The following CAMK1D variants were observed in gnomAD, a reference collection of about 807,000 sequenced individuals.
The protein encoded by CAMK1D is calcium/calmodulin-dependent protein kinase type 1D.
Under a neutral mutation model 47.7 loss-of-function variants are expected in CAMK1D, and 9 were observed. The ratio of observed to expected loss-of-function variants is 0.19; its 90% confidence interval spans 0.11 to 0.33. The LOEUF is 0.33. CAMK1D is among the 10% of genes least tolerant of loss of function. The pLI, the probability that CAMK1D is intolerant of heterozygous loss-of-function variation, is 1.00. For synonymous variants in CAMK1D, 184 were observed against 184.9 expected (o/e 0.99, Z 0.04); for missense variants, 291 against 488.7 (o/e 0.60, Z 3.81).
chr10:12,633,521 C>T (rs910336094), intron 2 of CAMK1D, among the ~76,000 whole-genome samples: 2 of 152,162 alleles, frequency 1.3e-5, no homozygotes, highest in African/African-American at 4.8e-5. Flanking sequence ...GCTGTAGATA[C>T]TCGGTTCCGA....
Position 12,378,768 on chromosome 10 carries a change from G to A in CAMK1D, c.92+28858G>A, listed in dbSNP as rs2724780. On this transcript the variant is annotated intron_variant, in intron 1 of 10. Transcript: ENST00000619168. ...CACTTGCAAGGTTTTTTTCTCATGA[G>A]ATCTCTATCCAAGTGTGAGCATGCA... Among the ~76,000 whole-genome samples, 698 of 151,350 alleles carry A rather than the reference G, an allele frequency of 4.6e-3. 4 individuals are homozygous for A. Among genetic ancestry groups the A allele is most frequent in the African/African-American group, 0.016 (650 of 41,266 alleles).
At chr10:12,546,364 A>G (rs1588618428) in intron 1 of CAMK1D, among the ~76,000 whole-genome samples, 1 of 137,546 alleles carries the variant, frequency 7.3e-6, no homozygotes. Flanking sequence ...GATGGAAATG[A>G]CAGAGACAGA....
At chr10:12,555,210 C>G (rs748917097) in intron 2 of CAMK1D, among the ~76,000 whole-genome samples, 1 of 152,194 alleles carries the variant, frequency 6.6e-6, no homozygotes, top group Non-Finnish European at 1.5e-5. Context: ...TAAACCGTCT[C>G]GCCCACTCCT....
At chr10:12,731,250 G>A (rs1425348940) in intron 3 of CAMK1D, among the ~76,000 whole-genome samples, 2 of 152,192 alleles carry the variant, frequency 1.3e-5, no homozygotes, top group Non-Finnish European at 2.9e-5. Flanking sequence ...AGGATCGTGC[G>A]TCCTCTATGA....
rs1368784814 is a variant in CAMK1D, at chr10:12,455,784, A to G, written c.93-97441A>G. Among the ~76,000 whole-genome samples, 3 of 152,230 alleles carry G rather than the reference A, an allele frequency of 2.0e-5. No homozygotes were observed. In the East Asian group the frequency reaches 5.8e-4, roughly 29 times the overall value. ...TTAACTGACTGTTCTTAGAATTGACATTTACAGCAACTAGCCCATGGAGAA... is the reference window on the plus strand; with the variant it reads ...TTAACTGACTGTTCTTAGAATTGACGTTTACAGCAACTAGCCCATGGAGAA... On this transcript the variant is annotated intron_variant, in intron 1 of 10. Coordinates refer to ENST00000619168, the MANE Select transcript of CAMK1D (RefSeq NM_153498.4).
chr10:12,621,492 G>C (rs1838994687), intron 2 of CAMK1D, among the ~76,000 whole-genome samples: 1 of 151,916 alleles, frequency 6.6e-6, no homozygotes, highest in Non-Finnish European at 1.5e-5. Flanking sequence ...TGTTTTCTTA[G>C]ATTTATACCT....
intron 1 of CAMK1D, among the ~76,000 whole-genome samples, chr10:12,540,927 T>TG (rs1228241008): frequency 6.6e-6 from 1 of 151,338 alleles, no homozygotes; most frequent in African/African-American, 2.4e-5. Flanking sequence ...TATAGGTTTT[T>TG]TTTTTTTTTT....
chr10:12,552,342 C>T (rs903226906), intron 1 of CAMK1D, among the ~76,000 whole-genome samples: 8 of 152,330 alleles, frequency 5.3e-5, no homozygotes, highest in East Asian at 1.9e-4. Flanking sequence ...ACAAGCTGCT[C>T]GGTGAGCACT....
At chr10:12,532,310 C>T (rs796512110) in intron 1 of CAMK1D, among the ~76,000 whole-genome samples, 29 of 149,464 alleles carry the variant, frequency 1.9e-4, no homozygotes, top group Admixed American at 7.3e-4. Context: ...GACGGAGTCT[C>T]GCTCTGTCGC....
rs554013969 is a variant in CAMK1D at position 12,692,228 on chromosome 10, T to A, written c.299+25418T>A. Among the ~76,000 whole-genome samples the A allele has an allele frequency of 3.9e-5, 6 of 152,346 alleles. No individual in the cohort carries two copies. The East Asian group carries it at 1.2e-3, about 29-fold the overall frequency. On this transcript the variant is annotated intron_variant, in intron 3 of 10. Coordinates refer to ENST00000619168, the MANE Select transcript of CAMK1D (RefSeq NM_153498.4). ...AAAATTAGCCTATTGAATAATCTGG[T>A]CATAGAATGTCACCTGCTTCTTCTG...
At chr10:12,693,078 G>GACTA (rs1345765957) in intron 3 of CAMK1D, among the ~76,000 whole-genome samples, 2 of 152,202 alleles carry the variant, frequency 1.3e-5, no homozygotes, top group East Asian at 3.9e-4. Context: ...TAAGAGCAAA[G>GACTA]ACTAGCTGGG....
intron 1 of CAMK1D, among the ~76,000 whole-genome samples, chr10:12,463,329 G>C (rs1833493693): frequency 6.6e-6 from 1 of 151,930 alleles, no homozygotes; most frequent in South Asian, 2.1e-4. Flanking sequence ...GTAGAGACGG[G>C]GTTTCACCTT....
In CAMK1D at chr10:12,829,171, T is replaced by C. The variant is rs1162882656; in HGVS notation, c.*284T>C. 4.8e-5 allele frequency: 14 copies of C among 290,604 alleles called. No individual in the cohort carries two copies. The South Asian group carries it at 9.6e-4, about 20-fold the overall frequency. 18.0% of individuals were successfully genotyped at this position (290,604 alleles called of 1,614,324 possible). On this transcript the variant is annotated 3_prime_UTR_variant, in exon 11 of 11. Coordinates refer to ENST00000619168, the MANE Select transcript of CAMK1D (RefSeq NM_153498.4). ...AACGGACCTTCTTATTCCTCTCCCCTAACACCATCGTTTCCACTCTTCTCA... is the reference window on the plus strand; with the variant it reads ...AACGGACCTTCTTATTCCTCTCCCCCAACACCATCGTTTCCACTCTTCTCA...
At chr10:12,381,286 A>G (rs955500394) in intron 1 of CAMK1D, among the ~76,000 whole-genome samples, 3 of 151,914 alleles carry the variant, frequency 2.0e-5, no homozygotes, top group African/African-American at 7.3e-5. Context: ...GCAAGGAGAA[A>G]TCTTGGGTAG....
At chr10:12,556,649 G>A (rs1238758322) in intron 2 of CAMK1D, among the ~76,000 whole-genome samples, 1 of 152,196 alleles carries the variant, frequency 6.6e-6, no homozygotes, top group East Asian at 1.9e-4. Context: ...AAAGGGTTCA[G>A]GGGGAGGCCT....
At chr10:12,712,442 C>T (rs1382593038) in intron 3 of CAMK1D, among the ~76,000 whole-genome samples, 1 of 152,198 alleles carries the variant, frequency 6.6e-6, no homozygotes, top group Non-Finnish European at 1.5e-5. Flanking sequence ...GTAGACTGGG[C>T]AGCTTCAATG....
intron 3 of CAMK1D, among the ~76,000 whole-genome samples, chr10:12,715,683 A>G (rs924945030): frequency 1.3e-5 from 2 of 149,756 alleles, no homozygotes; most frequent in African/African-American, 4.9e-5. Context: ...CAATCAGATT[A>G]TACTTGGATC....
chr10:12,807,295 G>A (rs897775075), intron 6 of CAMK1D, among the ~76,000 whole-genome samples: 2 of 152,332 alleles, frequency 1.3e-5, no homozygotes, highest in South Asian at 4.1e-4. Context: ...AGAGAGATTT[G>A]TTGCACAGCT....
intron 1 of CAMK1D, among the ~76,000 whole-genome samples, chr10:12,413,546 A>G (rs369591206): frequency 1.4e-3 from 32 of 23,120 alleles, no homozygotes; most frequent in Middle Eastern, 0.019. Flanking sequence ...GATGAGTATG[A>G]TGGTGATAAT....
Sources: allele counts gnomAD v4.1 joint callset (sites outside exome capture counted in the v4.1 genomes callset), GRCh38; gene constraint gnomAD v4.1.1; transcripts MANE v1.5; gene names NCBI Gene and HGNC (gene_info 2026-07-23, HGNC 2026-07-21).